Variants in LRRC8A observed in about 807,000 individuals in gnomAD.
LRRC8A encodes volume-regulated anion channel subunit LRRC8A.
LRRC8A carries 24 observed loss-of-function variants against 52.5 expected under a neutral mutation model. The observed-to-expected ratio is 0.46, with a 90% CI of 0.33 to 0.64. The LOEUF (loss-of-function observed/expected upper bound fraction) is 0.64, where lower values mean the gene tolerates loss of function less well. LRRC8A is among the 30% of genes least tolerant of loss of function. The pLI is 0.02. For missense variants in LRRC8A, 677 were observed against 1,094.7 expected (o/e 0.62, Z 5.38); for synonymous variants, 492 against 494.2 (o/e 1.00, Z 0.06).
At chr9:128,905,983 T>A (rs1043516105) in intron 2 of LRRC8A, among the ~76,000 whole-genome samples, 1 of 152,254 alleles carries the variant, frequency 6.6e-6, no homozygotes, top group Non-Finnish European at 1.5e-5. Context: ...AAGGCCTCTC[T>A]GTGATCACCC....
intron 2 of LRRC8A, among the ~76,000 whole-genome samples, chr9:128,896,724 C>A (rs1473152710): frequency 6.6e-6 from 1 of 151,520 alleles, no homozygotes; most frequent in Non-Finnish European, 1.5e-5. Flanking sequence ...TTCTTTCTTT[C>A]TTTATTTTTT....
chr9:128,885,079 C>T, intron 1 of LRRC8A: 1 of 153,248 alleles, frequency 6.5e-6, no homozygotes, highest in Non-Finnish European at 1.5e-5. Context: ...GGTGGCTGGG[C>T]CACTCTCCCA....
At chr9:128,915,410 C>T (rs866069791) in intron 3 of LRRC8A, among the ~76,000 whole-genome samples, 2 of 152,188 alleles carry the variant, frequency 1.3e-5, no homozygotes, top group South Asian at 4.1e-4. Flanking sequence ...CTGCAAGCTC[C>T]GCCTCCCGGG....
At chr9:128,914,268 C>G (rs1234175988) in intron 3 of LRRC8A, among the ~76,000 whole-genome samples, 1 of 150,358 alleles carries the variant, frequency 6.7e-6, no homozygotes, top group African/African-American at 2.4e-5. Context: ...TATCTCCCTG[C>G]TGGGAAAGCC....
chr9:128,914,078 G>A (rs1166009264), intron 3 of LRRC8A, among the ~76,000 whole-genome samples: 1 of 152,024 alleles, frequency 6.6e-6, no homozygotes, highest in Non-Finnish European at 1.5e-5. Context: ...GGTGGTATGC[G>A]GCTGTAATCC....
intron 2 of LRRC8A, among the ~76,000 whole-genome samples, chr9:128,887,346 T>A (rs1839435133): frequency 1.3e-5 from 2 of 151,942 alleles, no homozygotes; most frequent in African/African-American, 4.8e-5. Flanking sequence ...TTATTTATTA[T>A]GGAGATAGAG....
chr9:128,903,158 G>T (rs1293710786), intron 2 of LRRC8A, among the ~76,000 whole-genome samples: 3 of 152,126 alleles, frequency 2.0e-5, no homozygotes, highest in Non-Finnish European at 4.4e-5. Context: ...CCCATCTCTG[G>T]GATGGGGCTA....
intron 2 of LRRC8A, among the ~76,000 whole-genome samples, chr9:128,904,295 G>A (rs1840147570): frequency 6.6e-6 from 1 of 152,134 alleles, no homozygotes; most frequent in South Asian, 2.1e-4. Flanking sequence ...GTGGCAGGTG[G>A]ATCACCTCAG....
At position 128,907,864 on chromosome 9, in the gene LRRC8A, A is replaced by G; in HGVS notation, c.700A>G (p.Lys234Glu). 1 of 1,614,062 alleles carries G rather than the reference A, an allele frequency of 6.2e-7. No homozygotes were observed. The highest frequency in any genetic ancestry group is 1.3e-5 in the African/African-American group (1 of 75,042). ...VDRSETGVLDKKEGEQAKALF... is the reference protein window; with the variant it reads ...VDRSETGVLDEKEGEQAKALF... ...CCGCTCAGAGACGGGCGTGCTGGAC[A>G]AGAAGGAGGGGGAGCAAGCCAAGGC... is the stretch of plus-strand genomic sequence containing the variant. The change falls in exon 3 of 4, where the codon AAG becomes GAG. Residue 234 changes from lysine to glutamate, a missense_variant. By Grantham distance (56) the Lys-to-Glu change is moderately conservative. Around this residue, in one of 4 missense-constraint regions of LRRC8A, gnomAD observed 422 missense variants for 741.5 expected, o/e 0.57. Coordinates refer to ENST00000372600, the MANE Select transcript of LRRC8A (RefSeq NM_019594.4). The surrounding 1 kb of genome is among the most constrained non-coding windows in gnomAD (Gnocchi z 9.3).
intron 3 of LRRC8A, among the ~76,000 whole-genome samples, chr9:128,912,458 G>A (rs1840591709): frequency 6.7e-6 from 1 of 150,126 alleles, no homozygotes; most frequent in African/African-American, 2.5e-5. Context: ...GCAGTGAGAT[G>A]GGCTGCCCAG....
In LRRC8A at chr9:128,909,186, C is replaced by A. The variant is rs766557820; in HGVS notation, c.2022C>A (p.Ile674=). 6.2e-7 allele frequency: 1 copy of A among 1,614,034 alleles called. No individual in the cohort carries two copies. Among genetic ancestry groups the A allele is most frequent in the African/African-American group, 1.3e-5 (1 of 74,926 alleles). The part of the protein sequence containing the change: ...LERLYLNRNK[I]EKIPTQLFYC... ...GCCTCTACCTGAACCGCAACAAGAT[C>A]GAGAAGATCCCCACCCAGCTCTTCT... The change falls in exon 3 of 4, where the codon ATC becomes ATA. Residue 674 remains isoleucine (I), a synonymous_variant. Transcript: ENST00000372600.
At chr9:128,882,686 C>T (rs1839128163) in intron 1 of LRRC8A, 3 of 398,926 alleles carry the variant, frequency 7.5e-6, no homozygotes, top group Admixed American at 4.4e-5. Flanking sequence ...GTTCCTGGTC[C>T]CCTTCTCTTC....
chr9:128,898,165 T>G (rs1371041693), intron 2 of LRRC8A, among the ~76,000 whole-genome samples: 1 of 152,110 alleles, frequency 6.6e-6, no homozygotes, highest in Admixed American at 6.6e-5. Flanking sequence ...AGTGTTTTGT[T>G]CTAATGCACT....
chr9:128,913,382 C>A (rs1006323006), intron 3 of LRRC8A, among the ~76,000 whole-genome samples: 12 of 152,106 alleles, frequency 7.9e-5, no homozygotes, highest in Non-Finnish European at 1.6e-4. Flanking sequence ...CCGATGGGGA[C>A]CCACTGAAGT....
chr9:128,905,843 A>C (rs1439089682), intron 2 of LRRC8A, among the ~76,000 whole-genome samples: 1 of 149,574 alleles, frequency 6.7e-6, no homozygotes, highest in East Asian at 2.0e-4. Context: ...ACTCCGTCTC[A>C]AAAAAAAAAG....
intron 2 of LRRC8A, among the ~76,000 whole-genome samples, chr9:128,888,730 A>G (rs565911423): frequency 6.6e-6 from 1 of 152,114 alleles, no homozygotes; most frequent in Admixed American, 6.5e-5. Context: ...GGTCTGTGCC[A>G]GAGCTCCTGA....
chr9:128,891,485 A>ATCCTC (rs1289233966), intron 2 of LRRC8A, among the ~76,000 whole-genome samples: 5 of 152,166 alleles, frequency 3.3e-5, no homozygotes, highest in Non-Finnish European at 7.4e-5. Context: ...CGCTTGAGCC[A>ATCCTC]AGGAGTTCAA....
At chr9:128,912,677 T>A (rs1840608806) in intron 3 of LRRC8A, 1 of 152,316 alleles carries the variant, frequency 6.6e-6, no homozygotes, top group African/African-American at 2.4e-5. Context: ...GGTGAAGGAA[T>A]GAGCTGACTT....
At position 128,916,057 on chromosome 9, in the gene LRRC8A, A is replaced by C. The variant is rs1840799861; in HGVS notation, c.2158-39A>C. On this transcript the variant is annotated intron_variant, in intron 3 of 3. Coordinates refer to ENST00000372600, the MANE Select transcript of LRRC8A (RefSeq NM_019594.4). This position sits in a 1 kb window ranked among gnomAD's most constrained non-coding sequence, Gnocchi z 6.1. ...AAGCCCAGAGGCCCCGTCCAAGCCC[A>C]CACCCACCTCACTCTCACCCCTGCT... The C allele has an allele frequency of 1.9e-6, 3 of 1,568,984 alleles. No individual in the cohort carries two copies. Among genetic ancestry groups the C allele is most frequent in the Middle Eastern group, 1.7e-4 (1 of 5,864 alleles).
Sources: allele counts gnomAD v4.1 joint callset (sites outside exome capture counted in the v4.1 genomes callset), GRCh38; gene constraint gnomAD v4.1.1; regional missense constraint gnomAD v4.1.1; non-coding constraint Gnocchi (gnomAD v3.1); transcripts MANE v1.5; gene names NCBI Gene and HGNC (gene_info 2026-07-23, HGNC 2026-07-21).